Variants in SYT14 observed in about 807,000 individuals in gnomAD.
SYT14 encodes the protein synaptotagmin-14.
SYT14 carries 32 observed loss-of-function variants against 74.2 expected under a neutral mutation model. The observed-to-expected ratio is 0.43, with a 90% CI of 0.33 to 0.58. The LOEUF is 0.58. Among genes scored for constraint, SYT14 ranks in the 20% least tolerant of loss-of-function variants. The pLI, the probability that SYT14 is intolerant of heterozygous loss-of-function variation, is 0.05. For missense variants in SYT14, 791 were observed against 981.8 expected, an observed-to-expected ratio of 0.81 and a Z score of 2.60; for synonymous variants, 298 against 337.7, an observed-to-expected ratio of 0.88 and a Z score of 1.29.
At chr1:210,160,731 A>G in exon 10 of SYT14, 1 of 1,613,300 alleles carries the variant, frequency 6.2e-7, no homozygotes, top group Non-Finnish European at 8.5e-7. Flanking sequence ...TTCTTTAGAT[A>G]CATATGTTAA....
intron 5 of SYT14, among the ~76,000 whole-genome samples, chr1:210,035,666 C>T (rs1419477444): frequency 1.3e-5 from 2 of 151,832 alleles, no homozygotes; most frequent in Admixed American, 6.6e-5. Flanking sequence ...TTCCTAACAC[C>T]ATTTATGGAA....
chr1:210,040,057 G>A (rs866826449), intron 5 of SYT14, among the ~76,000 whole-genome samples: 5 of 152,204 alleles, frequency 3.3e-5, no homozygotes, highest in South Asian at 2.1e-4. Context: ...CTACTATAAA[G>A]ACACATGCAC....
chr1:209,951,087 G>A (rs945171481), intron 1 of SYT14, among the ~76,000 whole-genome samples: 1 of 152,172 alleles, frequency 6.6e-6, no homozygotes, highest in African/African-American at 2.4e-5. Context: ...ATTAAATCAA[G>A]CCAATTAACA....
intron 1 of SYT14, among the ~76,000 whole-genome samples, chr1:209,941,680 A>G (rs535877678): frequency 1.2e-4 from 19 of 152,316 alleles, no homozygotes; most frequent in African/African-American, 4.6e-4. Context: ...ACAATTTAGT[A>G]ATCACTTATT....
chr1:210,053,343 A>G (rs975063898), intron 5 of SYT14, among the ~76,000 whole-genome samples: 1 of 151,960 alleles, frequency 6.6e-6, no homozygotes, highest in African/African-American at 2.4e-5. Context: ...GTGCTGAAGT[A>G]ATAGTAGTGG....
intron 7 of SYT14, among the ~76,000 whole-genome samples, chr1:210,103,360 C>A (rs2102555262): frequency 6.6e-6 from 1 of 151,952 alleles, no homozygotes; most frequent in Non-Finnish European, 1.5e-5. Flanking sequence ...ACCATCCTGG[C>A]TAACACGATG....
At chr1:210,016,760 G>T (rs540001487) in exon 4 of SYT14, 2 of 1,231,676 alleles carry the variant, frequency 1.6e-6, no homozygotes, top group African/African-American at 3.1e-5. Context: ...ACATCTTCCC[G>T]ATTTAGGGCA....
At position 210,066,547 on chromosome 1, in the gene SYT14, A is replaced by G. The variant is rs564304389; in HGVS notation, c.1313-27775A>G. Among the ~76,000 whole-genome samples the G allele has an allele frequency of 1.5e-3, 225 of 152,156 alleles. 1 individual carries two copies. The highest frequency in any genetic ancestry group is 5.1e-3 in the African/African-American group (213 of 41,534). On this transcript the variant is annotated intron_variant, in intron 5 of 9. Transcript: ENST00000637265. ...CTTCTTTTGAGAAGTGTCTGTTCATATCCTTCGCTCACTTTTTGATGGGGT... is the reference window on the plus strand; with the variant it reads ...CTTCTTTTGAGAAGTGTCTGTTCATGTCCTTCGCTCACTTTTTGATGGGGT...
intron 5 of SYT14, among the ~76,000 whole-genome samples, chr1:210,078,461 G>A (rs564656653): frequency 2.0e-5 from 3 of 151,984 alleles, no homozygotes; most frequent in Non-Finnish European, 2.9e-5. Flanking sequence ...GATGTGCCAT[G>A]ACAAATATTT....
At chr1:210,141,674 C>G (rs972802305) in intron 7 of SYT14, among the ~76,000 whole-genome samples, 1 of 152,220 alleles carries the variant, frequency 6.6e-6, no homozygotes, top group Admixed American at 6.5e-5. Flanking sequence ...GCTCAGCTAA[C>G]AACTGGACAG....
At chr1:210,095,514 A>G (rs1181155477) in intron 6 of SYT14, among the ~76,000 whole-genome samples, 1 of 152,220 alleles carries the variant, frequency 6.6e-6, no homozygotes, top group African/African-American at 2.4e-5. Context: ...TCAGCCTCCC[A>G]AAGTGCTGGG....
chr1:209,979,269 G>A (rs187981154), intron 2 of SYT14, among the ~76,000 whole-genome samples: 87 of 152,256 alleles, frequency 5.7e-4, no homozygotes, highest in African/African-American at 2.0e-3. Flanking sequence ...AGTTGGAAAT[G>A]CAGAAATCAC....
intron 5 of SYT14, among the ~76,000 whole-genome samples, chr1:210,088,108 T>G (rs2081776796): frequency 6.6e-6 from 1 of 152,184 alleles, no homozygotes; most frequent in Non-Finnish European, 1.5e-5. Context: ...TATGCTTGGT[T>G]TTTTATTTAA....
At chr1:210,123,400 A>G (rs1356322468) in intron 7 of SYT14, among the ~76,000 whole-genome samples, 1 of 152,218 alleles carries the variant, frequency 6.6e-6, no homozygotes, top group African/African-American at 2.4e-5. Context: ...GGAGAGAACT[A>G]ATCTGATCAC....
At chr1:209,969,759 G>T (rs755161369) in intron 2 of SYT14, among the ~76,000 whole-genome samples, 1 of 152,038 alleles carries the variant, frequency 6.6e-6, no homozygotes, top group Non-Finnish European at 1.5e-5. Flanking sequence ...GATTACAGGC[G>T]TGAGCCACCG....
chr1:209,997,066 T>C (rs942214772), intron 2 of SYT14, among the ~76,000 whole-genome samples: 2 of 151,854 alleles, frequency 1.3e-5, no homozygotes, highest in African/African-American at 4.8e-5. Flanking sequence ...GACAAGAATG[T>C]CTACTCTTAA....
intron 2 of SYT14, among the ~76,000 whole-genome samples, chr1:209,959,110 A>G (rs976405008): frequency 4.6e-5 from 7 of 152,146 alleles, no homozygotes; most frequent in Non-Finnish European, 8.8e-5. Context: ...TTGTAGATGA[A>G]TATTCACAGC....
chr1:209,977,420 C>G (rs1468860467), intron 2 of SYT14, among the ~76,000 whole-genome samples: 4 of 152,090 alleles, frequency 2.6e-5, no homozygotes, highest in Admixed American at 6.6e-5. Context: ...AAATCTCTCA[C>G]CGTTTGCTTG....
At chr1:209,996,680 T>G (rs911250898) in intron 2 of SYT14, among the ~76,000 whole-genome samples, 1 of 151,936 alleles carries the variant, frequency 6.6e-6, no homozygotes, top group Non-Finnish European at 1.5e-5. Context: ...GCCAGTATCC[T>G]GAACATATTG....
Sources: gnomAD v4.1 joint callset for allele counts (sites outside exome capture counted in the v4.1 genomes callset) on GRCh38, gnomAD v4.1.1 for gene constraint, MANE v1.5 for transcripts, NCBI Gene and HGNC (gene_info 2026-07-23, HGNC 2026-07-21) for gene names.